Variants in L3MBTL3 observed in about 807,000 individuals in gnomAD.
L3MBTL3 encodes the protein lethal(3)malignant brain tumor-like protein 3.
In L3MBTL3, 27 loss-of-function variants were observed where a neutral mutation model predicts 102.3. That is an observed-to-expected ratio of 0.26 (90% CI 0.19 to 0.36). The LOEUF is 0.36. L3MBTL3 is among the 10% of genes least tolerant of loss of function. The pLI, the probability that L3MBTL3 is intolerant of heterozygous loss-of-function variation, is 1.00. For missense variants in L3MBTL3, 798 were observed against 955.3 expected, an observed-to-expected ratio of 0.84 and a Z score of 2.17; for synonymous variants, 340 against 320.9, an observed-to-expected ratio of 1.06 and a Z score of -0.64.
At chr6:130,081,683 C>T (rs935489050) in intron 14 of L3MBTL3, among the ~76,000 whole-genome samples, 1 of 151,980 alleles carries the variant, frequency 6.6e-6, no homozygotes, top group African/African-American at 2.4e-5. Flanking sequence ...CCTCAGCCTC[C>T]CAAAATGCTG....
chr6:130,048,638 A>G (rs1016653183), intron 3 of L3MBTL3, among the ~76,000 whole-genome samples: 2 of 152,220 alleles, frequency 1.3e-5, no homozygotes, highest in Non-Finnish European at 2.9e-5. Context: ...GTCCCAGAGA[A>G]ATTTCCAGTT....
rs1780936839 is a variant in L3MBTL3, at chr6:130,049,335, G to A, written c.156G>A (p.Met52Ile). 4 of 1,613,530 alleles carry A rather than the reference G, an allele frequency of 2.5e-6. No homozygotes were observed. Among genetic ancestry groups the A allele is most frequent in the Non-Finnish European group, 3.4e-6 (4 of 1,179,790 alleles). Residue 52 changes from methionine (M) to isoleucine (I), a missense_variant, in exon 4 of 23, where the codon ATG (methionine) becomes ATA (isoleucine). Around this residue, in one of 4 missense-constraint regions of L3MBTL3, gnomAD observed 434 missense variants for 506.6 expected, o/e 0.86. Transcript: ENST00000361794. The part of the protein sequence containing the change: ...ALEVITDENE[M>I]ENVKKATATT... ...AAGTTATTACAGATGAGAATGAGATGGAAAATGTTAAAAAAGCAACTGCTA... is the reference window on the plus strand; with the variant it reads ...AAGTTATTACAGATGAGAATGAGATAGAAAATGTTAAAAAAGCAACTGCTA...
chr6:130,124,736 C>T (rs1435752493), intron 20 of L3MBTL3, among the ~76,000 whole-genome samples: 4 of 152,126 alleles, frequency 2.6e-5, no homozygotes, highest in Admixed American at 6.5e-5. Flanking sequence ...TTTGGGAGGC[C>T]GAGGCGGGTG....
intron 19 of L3MBTL3, among the ~76,000 whole-genome samples, chr6:130,114,729 A>G (rs754182257): frequency 1.3e-5 from 2 of 152,258 alleles, no homozygotes; most frequent in Admixed American, 1.3e-4. Flanking sequence ...TTATGAAAAC[A>G]TAATTCAGTA....
chr6:130,030,682 A>AG (rs1779662946), intron 2 of L3MBTL3, among the ~76,000 whole-genome samples: 1 of 141,994 alleles, frequency 7.0e-6, no homozygotes, highest in South Asian at 2.1e-4. Flanking sequence ...AAAAAAAAAA[A>AG]AAAAAAAAAA....
At chr6:130,039,344 A>G (rs908079174) in intron 2 of L3MBTL3, among the ~76,000 whole-genome samples, 1 of 152,146 alleles carries the variant, frequency 6.6e-6, no homozygotes, top group Non-Finnish European at 1.5e-5. Flanking sequence ...TTTCTTTGAT[A>G]TCATAAAATA....
rs564897394 is a variant in L3MBTL3, at chr6:130,140,061, G to C, written c.*308G>C. The C allele has an allele frequency of 5.6e-6, 1 of 178,024 alleles. No individual in the cohort carries two copies. The highest frequency in any genetic ancestry group is 1.6e-4 in the East Asian group (1 of 6,158). 11.0% of individuals were successfully genotyped at this position (178,024 alleles called of 1,614,324 possible). On this transcript the variant is annotated 3_prime_UTR_variant, in exon 23 of 23. Coordinates refer to ENST00000361794, the MANE Select transcript of L3MBTL3 (RefSeq NM_032438.4). Reference sequence around the variant, plus strand: ...GCTTCATTAATTATTTATGGTAATGGGGGGCAGAGTAAGAACTTTTGGCAT... The same window carrying C: ...GCTTCATTAATTATTTATGGTAATGCGGGGCAGAGTAAGAACTTTTGGCAT...
chr6:130,031,641 T>G (rs773932006), intron 2 of L3MBTL3, among the ~76,000 whole-genome samples: 5 of 152,152 alleles, frequency 3.3e-5, no homozygotes, highest in Non-Finnish European at 7.4e-5. Flanking sequence ...TTAAGTGCAA[T>G]CAGACCAGCA....
At chr6:130,046,216 T>A (rs1166343326) in intron 3 of L3MBTL3, among the ~76,000 whole-genome samples, 1 of 152,188 alleles carries the variant, frequency 6.6e-6, no homozygotes, top group Non-Finnish European at 1.5e-5. Flanking sequence ...CTAGTAAGAA[T>A]AATTGCCAGT....
rs1249976640 is a variant in L3MBTL3 at position 130,065,032 on chromosome 6, AT to A, written c.865-1319del. Among the ~76,000 whole-genome samples, 19 of 151,056 alleles carry A rather than the reference AT, an allele frequency of 1.3e-4. 1 individual carries two copies. The highest frequency in any genetic ancestry group is 4.4e-5 in the Non-Finnish European group (3 of 67,674). ...GGGTAGCTCCTGCTTTACCTGAGAG[AT>A]TGTATTTCCCAGGGATTCCAGTCTC... On this transcript the variant is annotated intron_variant, in intron 10 of 22. Transcript: ENST00000361794.
chr6:130,079,436 G>C (rs1783170293), intron 14 of L3MBTL3, among the ~76,000 whole-genome samples: 2 of 152,070 alleles, frequency 1.3e-5, no homozygotes, highest in Non-Finnish European at 2.9e-5. Context: ...ATCATTTTGA[G>C]TTTATTTTAT....
intron 2 of L3MBTL3, among the ~76,000 whole-genome samples, chr6:130,037,646 T>C (rs1780143074): frequency 6.6e-6 from 1 of 152,178 alleles, no homozygotes; most frequent in African/African-American, 2.4e-5. Flanking sequence ...GAATTACTTT[T>C]AATTGATGCA....
intron 19 of L3MBTL3, among the ~76,000 whole-genome samples, chr6:130,118,736 G>C (rs762157719): frequency 6.6e-6 from 1 of 152,130 alleles, no homozygotes; most frequent in Non-Finnish European, 1.5e-5. Context: ...AGTTAAAACT[G>C]GGACAGTGAA....
chr6:130,106,900 C>T (rs761935612), intron 19 of L3MBTL3, among the ~76,000 whole-genome samples: 1 of 152,186 alleles, frequency 6.6e-6, no homozygotes, highest in Non-Finnish European at 1.5e-5. Flanking sequence ...CAGGAAAATC[C>T]TGAGCATGCC....
intron 2 of L3MBTL3, among the ~76,000 whole-genome samples, chr6:130,041,272 A>G (rs1289037893): frequency 6.6e-6 from 1 of 152,208 alleles, no homozygotes; most frequent in East Asian, 1.9e-4. Context: ...TTTCCTGGCA[A>G]GGCTACTTCA....
intron 13 of L3MBTL3, among the ~76,000 whole-genome samples, chr6:130,075,462 A>G (rs902951193): frequency 1.3e-5 from 2 of 152,176 alleles, no homozygotes; most frequent in Non-Finnish European, 2.9e-5. Flanking sequence ...TATTCAGTGC[A>G]TTACTTAACA....
intron 19 of L3MBTL3, among the ~76,000 whole-genome samples, chr6:130,113,405 C>T (rs988417571): frequency 1.3e-5 from 2 of 152,206 alleles, no homozygotes; most frequent in African/African-American, 2.4e-5. Context: ...GGGCATCCAT[C>T]CCACATAGCC....
chr6:130,034,471 C>T (rs1231697039), intron 2 of L3MBTL3, among the ~76,000 whole-genome samples: 1 of 152,024 alleles, frequency 6.6e-6, no homozygotes, highest in Non-Finnish European at 1.5e-5. Context: ...TACTTATTTC[C>T]TTTTGGAGCA....
At chr6:130,080,077 A>G (rs1410439028) in intron 14 of L3MBTL3, among the ~76,000 whole-genome samples, 1 of 151,786 alleles carries the variant, frequency 6.6e-6, no homozygotes, top group Non-Finnish European at 1.5e-5. Flanking sequence ...TAACATAGTG[A>G]GACCCTGTCT....
Sources: allele counts gnomAD v4.1 joint callset (sites outside exome capture counted in the v4.1 genomes callset), GRCh38; gene constraint gnomAD v4.1.1; regional missense constraint gnomAD v4.1.1; transcripts MANE v1.5; gene names NCBI Gene and HGNC (gene_info 2026-07-23, HGNC 2026-07-21).